Variants in BBOX1 observed in about 807,000 individuals in gnomAD.
BBOX1 encodes the protein gamma-butyrobetaine hydroxylase 1.
BBOX1 carries 35 observed loss-of-function variants against 41.6 expected under a neutral mutation model. That is an observed-to-expected ratio of 0.84 (90% confidence interval 0.64 to 1.11). BBOX1 has a LOEUF of 1.11. Among genes scored for constraint, BBOX1 ranks in the 50% most tolerant of loss-of-function variants. The probability of loss-of-function intolerance (pLI) is 0.00; values close to 1 mark genes in which losing one functional copy is unlikely to be tolerated. For missense variants in BBOX1, 458 were observed against 460.6 expected (o/e 0.99, Z 0.05); for synonymous variants, 163 against 154.7 (o/e 1.05, Z -0.40).
At chr11:27,086,336 T>C (rs999316570) in intron 4 of BBOX1, among the ~76,000 whole-genome samples, 1 of 152,106 alleles carries the variant, frequency 6.6e-6, no homozygotes, top group Non-Finnish European at 1.5e-5. Context: ...AATACAGCTA[T>C]TGACTTTAAG....
chr11:27,045,413 C>T (rs11029799), intron 2 of BBOX1, among the ~76,000 whole-genome samples: 20,653 of 152,158 alleles, frequency 0.14, 1,829 homozygotes, highest in South Asian at 0.33. Context: ...TAATTGAATA[C>T]GCTTTATTTC....
intron 5 of BBOX1, among the ~76,000 whole-genome samples, chr11:27,101,525 T>C (rs1448559692): frequency 1.3e-5 from 2 of 152,114 alleles, no homozygotes; most frequent in Non-Finnish European, 2.9e-5. Context: ...ACTACATTAT[T>C]TGTTTTTTAT....
intron 4 of BBOX1, among the ~76,000 whole-genome samples, chr11:27,076,764 A>G (rs1049019578): frequency 6.6e-6 from 1 of 152,092 alleles, no homozygotes; most frequent in African/African-American, 2.4e-5. Context: ...GTGAAATTGG[A>G]GGGCAGTTCT....
chr11:27,079,705 A>G (rs190681891), intron 4 of BBOX1, among the ~76,000 whole-genome samples: 1 of 152,238 alleles, frequency 6.6e-6, no homozygotes, highest in Non-Finnish European at 1.5e-5. Context: ...ACTTGAAACA[A>G]TAAGGAAAAA....
intron 8 of BBOX1, among the ~76,000 whole-genome samples, chr11:27,127,012 G>A (rs1054528867): frequency 1.3e-5 from 2 of 152,116 alleles, no homozygotes; most frequent in African/African-American, 2.4e-5. Context: ...CAGTCAAAAC[G>A]ATACAGATGT....
At chr11:27,111,580 A>G (rs1344835220) in intron 5 of BBOX1, among the ~76,000 whole-genome samples, 1 of 152,006 alleles carries the variant, frequency 6.6e-6, no homozygotes, top group African/African-American at 2.4e-5. Context: ...TACATTCACA[A>G]TTTTGTGCAA....
intron 5 of BBOX1, among the ~76,000 whole-genome samples, chr11:27,110,977 A>T (rs1859039735): frequency 6.6e-6 from 1 of 151,948 alleles, no homozygotes; most frequent in Non-Finnish European, 1.5e-5. Context: ...TGGATCTTCC[A>T]AGGGTAATAG....
rs544793236 is a variant in BBOX1, at chr11:27,095,131, T to C, written c.533+1765T>C. Among the ~76,000 whole-genome samples, 32 of 152,078 alleles carry C rather than the reference T, an allele frequency of 2.1e-4. 1 individual carries two copies. The highest frequency in any genetic ancestry group is 1.0e-3 in the Admixed American group (16 of 15,246). On this transcript the variant is annotated intron_variant, in intron 5 of 8. Transcript: ENST00000263182. ...CTGCTCTACCTTGCTGTCAATAATA[T>C]GAAGAAAGCACATGGAAAAGAAGAG...
At chr11:27,097,333 A>T (rs926695128) in intron 5 of BBOX1, among the ~76,000 whole-genome samples, 17 of 152,066 alleles carry the variant, frequency 1.1e-4, no homozygotes, top group African/African-American at 3.9e-4. Flanking sequence ...GGAAACAGTT[A>T]TTGTAAACTA....
intron 5 of BBOX1, among the ~76,000 whole-genome samples, chr11:27,100,932 TG>T (rs1295148299): frequency 3.3e-5 from 5 of 152,074 alleles, no homozygotes; most frequent in Non-Finnish European, 7.4e-5. Flanking sequence ...GTTATTGGGA[TG>T]GTAGAAATAA....
intron 7 of BBOX1, among the ~76,000 whole-genome samples, chr11:27,122,727 C>T (rs950935075): frequency 1.3e-5 from 2 of 151,936 alleles, no homozygotes; most frequent in Non-Finnish European, 2.9e-5. Flanking sequence ...ATAATGCTGT[C>T]ACTAATGAGG....
intron 2 of BBOX1, among the ~76,000 whole-genome samples, chr11:27,045,356 C>A (rs1851459293): frequency 6.6e-6 from 1 of 152,144 alleles, no homozygotes; most frequent in Non-Finnish European, 1.5e-5. Flanking sequence ...TCTAAATGTA[C>A]AATTCATGTC....
chr11:27,042,483 A>T (rs1461258820), intron 2 of BBOX1, among the ~76,000 whole-genome samples: 6 of 152,026 alleles, frequency 3.9e-5, no homozygotes, highest in Admixed American at 3.9e-4. Flanking sequence ...CTCCCAAGTA[A>T]CTCAGAGTAT....
intron 4 of BBOX1, among the ~76,000 whole-genome samples, chr11:27,059,483 C>A (rs535922316): frequency 3.9e-5 from 6 of 152,148 alleles, no homozygotes; most frequent in African/African-American, 1.4e-4. Context: ...AGTTGGAGGC[C>A]CCACTTAGAG....
intron 4 of BBOX1, among the ~76,000 whole-genome samples, chr11:27,076,573 G>A (rs1004521640): frequency 6.6e-6 from 1 of 152,150 alleles, no homozygotes; most frequent in African/African-American, 2.4e-5. Flanking sequence ...ATTTGTGCTT[G>A]CTTTGTTACC....
intron 4 of BBOX1, among the ~76,000 whole-genome samples, chr11:27,084,247 G>A (rs1331801295): frequency 6.6e-6 from 1 of 152,158 alleles, no homozygotes; most frequent in East Asian, 1.9e-4. Context: ...TGCCAAAGCA[G>A]TAACGTGTTC....
At chr11:27,084,262 C>A (rs1308532718) in intron 4 of BBOX1, among the ~76,000 whole-genome samples, 1 of 152,130 alleles carries the variant, frequency 6.6e-6, no homozygotes, top group Non-Finnish European at 1.5e-5. Flanking sequence ...GTGTTCATTA[C>A]AACACGTTCC....
At chr11:27,105,031 C>G (rs1564982676) in intron 5 of BBOX1, among the ~76,000 whole-genome samples, 3 of 152,198 alleles carry the variant, frequency 2.0e-5, no homozygotes, top group Admixed American at 6.5e-5. Context: ...GCTGAGAGTC[C>G]TGACTGTTAG....
chr11:27,080,175 C>T (rs1400458440), intron 4 of BBOX1, among the ~76,000 whole-genome samples: 1 of 152,020 alleles, frequency 6.6e-6, no homozygotes, highest in Non-Finnish European at 1.5e-5. Context: ...AAAAATTAGG[C>T]TGATAGAAAT....
Sources: allele counts gnomAD v4.1 joint callset (sites outside exome capture counted in the v4.1 genomes callset), GRCh38; gene constraint gnomAD v4.1.1; transcripts MANE v1.5; gene names NCBI Gene and HGNC (gene_info 2026-07-23, HGNC 2026-07-21).